Variants in TSNAXIP1 observed in about 807,000 individuals in gnomAD.
The protein encoded by TSNAXIP1 is translin associated factor X interacting protein 1, also known as translin-associated factor X-interacting protein 1.
In TSNAXIP1, 89 loss-of-function variants were observed where a neutral mutation model predicts 84.8. The ratio of observed to expected loss-of-function variants is 1.05; its 90% CI spans 0.88 to 1.25. The LOEUF (loss-of-function observed/expected upper bound fraction) is 1.25. Ranked by LOEUF, TSNAXIP1 falls within the 50% of genes most tolerant of loss-of-function variation. The pLI, the probability that TSNAXIP1 is intolerant of heterozygous loss-of-function variation, is 0.00. For missense variants in TSNAXIP1, 874 were observed against 887.6 expected (o/e 0.98, Z 0.20); for synonymous variants, 347 against 335.2 (o/e 1.04, Z -0.39).
At position 67,825,909 on chromosome 16, in the gene TSNAXIP1, G is replaced by C. The variant is rs1038748910; in HGVS notation, c.985-8G>C. On this transcript the variant is annotated splice_polypyrimidine_tract_variant and splice_region_variant and intron_variant, in intron 8 of 15. Transcript: ENST00000561639. ...GTGGGGGGCCAGGGCCAATGTCCTTGCCCACAGCTGGACACCCTGAGAGCC... is the reference window on the plus strand; with the variant it reads ...GTGGGGGGCCAGGGCCAATGTCCTTCCCCACAGCTGGACACCCTGAGAGCC... The C allele has an allele frequency of 3.7e-6, 6 of 1,613,954 alleles. No homozygotes were observed. The highest frequency in any genetic ancestry group is 3.3e-5 in the Admixed American group (2 of 59,998).
intron 2 of TSNAXIP1, 104 bp downstream of exon 2, chr16:67,814,505 TGAAACATGCCCACCA>T (rs1458880844): frequency 2.2e-6 from 2 of 910,912 alleles, no homozygotes; most frequent in East Asian, 5.3e-5. Flanking sequence ...CATGCCCACC[TGAAACATGCCCACCA>T]GAGTGGCTTC....
Position 67,807,167 on chromosome 16 carries a change from G to A in TSNAXIP1, c.18G>A (p.Ser6=). ...CGTGGGTCATGGCCTGCCAGCAGTCGCGGTACCACAGCTTCTCGTCCGCGT... is the reference window on the plus strand; with the variant it reads ...CGTGGGTCATGGCCTGCCAGCAGTCACGGTACCACAGCTTCTCGTCCGCGT... MACQQ[S]RYHSFSSASR... is the part of the protein sequence containing the mutation. Residue 6 remains serine, a synonymous_variant, in exon 1 of 16, where the codon TCG becomes TCA. Coordinates refer to ENST00000561639, the MANE Select transcript of TSNAXIP1 (RefSeq NM_001288990.3). 1 of 1,535,842 alleles carries A rather than the reference G, an allele frequency of 6.5e-7. No homozygotes were observed. The highest frequency in any genetic ancestry group is 2.4e-5 in the East Asian group (1 of 40,902).
At chr16:67,814,729 C>T (rs567634191) in intron 2 of TSNAXIP1, among the ~76,000 whole-genome samples, 1 of 152,300 alleles carries the variant, frequency 6.6e-6, no homozygotes, top group South Asian at 2.1e-4. Context: ...TCCCTCCCGC[C>T]AACACACCAG....
intron 2 of TSNAXIP1, among the ~76,000 whole-genome samples, chr16:67,818,781 G>C (rs2056800893): frequency 6.7e-6 from 1 of 148,190 alleles, no homozygotes; most frequent in Non-Finnish European, 1.5e-5. Flanking sequence ...TCTGCTCACT[G>C]TGGCCTCTGC....
In TSNAXIP1 at chr16:67,826,258, G is replaced by A. The variant is rs748752957; in HGVS notation, c.1251G>A (p.Arg417=). The part of the protein sequence containing the change: ...LLEEIGSGLL[R]EKDFFPGLGY... The stretch of plus-strand genomic sequence containing the variant: ...AAGAGATTGGTTCGGGGCTGCTGCG[G>A]GAGAAAGACTTCTTCCCTGGTCTGG... Residue 417 remains arginine (R), a synonymous_variant, in exon 10 of 16, where the codon CGG becomes CGA. Transcript: ENST00000561639. 20 of 1,581,768 alleles carry A rather than the reference G, an allele frequency of 1.3e-5. No homozygotes were observed. The highest frequency in any genetic ancestry group is 1.6e-5 in the Non-Finnish European group (19 of 1,162,378).
At chr16:67,819,405 G>A (rs149491981) in intron 2 of TSNAXIP1, among the ~76,000 whole-genome samples, 4 of 151,302 alleles carry the variant, frequency 2.6e-5, no homozygotes, top group African/African-American at 4.8e-5. Flanking sequence ...CACCATGCCC[G>A]GCTAATTTTT....
chr16:67,815,072 C>A (rs912307268), intron 2 of TSNAXIP1, among the ~76,000 whole-genome samples: 1 of 151,452 alleles, frequency 6.6e-6, no homozygotes, highest in Admixed American at 6.6e-5. Context: ...AATCCCAGTA[C>A]TCTGGGAGGC....
intron 2 of TSNAXIP1, among the ~76,000 whole-genome samples, chr16:67,820,157 C>G (rs994921705): frequency 1.3e-5 from 2 of 151,572 alleles, no homozygotes; most frequent in Non-Finnish European, 2.9e-5. Flanking sequence ...GGGGTTTCAC[C>G]GTGTTAGCCA....
Position 67,826,709 on chromosome 16 carries a change from TTTC to T in TSNAXIP1, c.1426_1428del (p.Phe476del). The T allele has an allele frequency of 3.7e-6, 6 of 1,613,768 alleles. No homozygotes were observed. Among genetic ancestry groups the T allele is most frequent in the Admixed American group, 3.3e-5 (2 of 59,920 alleles). ...TCCCGCAGAAAGAGACGTTCCCAGA[TTTC>T]TTCTTCAATTTCCTGGAGCATCGCT... On this transcript the variant is annotated inframe_deletion, in exon 12 of 16. Coordinates refer to ENST00000561639, the MANE Select transcript of TSNAXIP1 (RefSeq NM_001288990.3).
intron 1 of TSNAXIP1, among the ~76,000 whole-genome samples, chr16:67,813,594 G>T (rs930829973): frequency 6.6e-6 from 1 of 151,056 alleles, no homozygotes; most frequent in Non-Finnish European, 1.5e-5. Context: ...TTATCCATGC[G>T]TGGTGGCAGG....
Position 67,821,090 on chromosome 16 carries a change from C to G in TSNAXIP1, c.261-9C>G, listed in dbSNP as rs1203884564. 1 of 1,613,348 alleles carries G rather than the reference C, an allele frequency of 6.2e-7. No individual in the cohort carries two copies. Among genetic ancestry groups the G allele is most frequent in the Non-Finnish European group, 8.5e-7 (1 of 1,179,802 alleles). ...GTGCTGGCCACATATCAGCCACTGT[C>G]CCCTGCAGGAGCTGCCAGCAGCACC... On this transcript the variant is annotated splice_polypyrimidine_tract_variant and intron_variant, in intron 3 of 15. Transcript: ENST00000561639.
chr16:67,824,173 C>G (rs2057274560), intron 5 of TSNAXIP1, among the ~76,000 whole-genome samples: 1 of 152,120 alleles, frequency 6.6e-6, no homozygotes, highest in East Asian at 1.9e-4. Context: ...CCATTCTGCA[C>G]AGACTGTTCC....
intron 2 of TSNAXIP1, among the ~76,000 whole-genome samples, chr16:67,815,711 C>A (rs2056487272): frequency 6.6e-6 from 1 of 151,774 alleles, no homozygotes; most frequent in African/African-American, 2.4e-5. Flanking sequence ...GTTGCCCAAG[C>A]TGGTCTTGAA....
chr16:67,826,017 C>G lies in TSNAXIP1; in HGVS notation c.1085C>G (p.Ser362Cys). 6.2e-7 allele frequency: 1 copy of G among 1,614,074 alleles called. No individual in the cohort carries two copies. The highest frequency in any genetic ancestry group is 1.1e-5 in the South Asian group (1 of 91,090). ...STLKERDQFF[S>C]ELQEIQRTST... ...CTGAAGGAACGGGACCAATTCTTCT[C>G]TGAGCTGCAGGAGATCCAGCGCACT... is the stretch of plus-strand genomic sequence containing the variant. Residue 362 changes from serine to cysteine, a missense_variant, in exon 9 of 16, where the codon TCT becomes TGT. Transcript: ENST00000561639.
At chr16:67,817,231 G>C (rs2056641942) in intron 2 of TSNAXIP1, among the ~76,000 whole-genome samples, 1 of 151,470 alleles carries the variant, frequency 6.6e-6, no homozygotes. Context: ...CTCACTGCAA[G>C]TTCCGCCTCC....
At position 67,827,483 on chromosome 16, in the gene TSNAXIP1, G is replaced by A. The variant is rs1427699221; in HGVS notation, c.1802G>A (p.Gly601Asp). Residue 601 changes from glycine (G) to aspartate (D), a missense_variant, in exon 15 of 16, where the codon GGC (glycine) becomes GAC (aspartate). Transcript: ENST00000561639. ...TGTGGCCCCTCCCAGGATGAGGAGG[G>A]CCAGAGTGAGCCCTTTGTGCAAAAA... Reference protein sequence around the residue: ...YRSLFMEDEEGQSEPFVQKLW... With the variant: ...YRSLFMEDEEDQSEPFVQKLW... 1 of 1,614,208 alleles carries A rather than the reference G, an allele frequency of 6.2e-7. No homozygotes were observed. The highest frequency in any genetic ancestry group is 8.5e-7 in the Non-Finnish European group (1 of 1,180,038).
Position 67,826,559 on chromosome 16 carries a change from G to GCAGGT in TSNAXIP1, c.1401+1_1401+5dup. 3 of 1,614,146 alleles carry GCAGGT rather than the reference G, an allele frequency of 1.9e-6. No individual in the cohort carries two copies. The highest frequency in any genetic ancestry group is 2.5e-6 in the Non-Finnish European group (3 of 1,180,014). On this transcript the variant is annotated frameshift_variant, in exon 11 of 16. Transcript: ENST00000561639. LOFTEE classifies it high-confidence loss of function. ...CCTGGAAGGAACGTCTTGCTGAGGAGCAGGTCAGATCTCACCAGCCACTCT... is the reference window on the plus strand; with the variant it reads ...CCTGGAAGGAACGTCTTGCTGAGGAGCAGGTCAGGTCAGATCTCACCAGCCACTCT...
intron 2 of TSNAXIP1, among the ~76,000 whole-genome samples, chr16:67,818,763 G>A (rs887261093): frequency 3.4e-5 from 5 of 148,302 alleles, no homozygotes; most frequent in South Asian, 2.1e-4. Context: ...GAGTACAGTC[G>A]TGCCATGTCT....
At chr16:67,810,700 C>G (rs1231324700) in intron 1 of TSNAXIP1, among the ~76,000 whole-genome samples, 1 of 151,918 alleles carries the variant, frequency 6.6e-6, no homozygotes, top group East Asian at 1.9e-4. Flanking sequence ...CCATTCCCCT[C>G]TGAGGGTTAC....
Sources: gnomAD v4.1 joint callset for allele counts (sites outside exome capture counted in the v4.1 genomes callset) on GRCh38, gnomAD v4.1.1 for gene constraint, MANE v1.5 for transcripts, NCBI Gene and HGNC (gene_info 2026-07-23, HGNC 2026-07-21) for gene names.